The following ERAP2 variants were observed in gnomAD, a reference collection of about 807,000 sequenced individuals.
ERAP2 encodes endoplasmic reticulum aminopeptidase 2, also known as leukocyte-derived arginine aminopeptidase.
A neutral mutation model predicts 111.1 loss-of-function variants in ERAP2; 118 were observed. That is an observed-to-expected ratio of 1.06 (90% confidence interval 0.92 to 1.24). The LOEUF is 1.24. ERAP2 is among the 50% of genes most tolerant of loss of function. The pLI is 0.00. For missense variants in ERAP2, 1,131 were observed against 1,125.8 expected, an observed-to-expected ratio of 1.00 and a Z score of -0.07; for synonymous variants, 410 against 401.2, an observed-to-expected ratio of 1.02 and a Z score of -0.26.
intron 6 of ERAP2, among the ~76,000 whole-genome samples, chr5:96,892,996 A>G (rs1561374327): frequency 6.6e-6 from 1 of 152,170 alleles, no homozygotes; most frequent in Non-Finnish European, 1.5e-5. Context: ...TGTTTCATAA[A>G]GCTGTTCTGA....
rs758941042 is a variant in ERAP2 at position 96,889,298 on chromosome 5, C to T, written c.963C>T (p.Ser321=). The T allele has an allele frequency of 6.2e-7, 1 of 1,614,026 alleles. No homozygotes were observed. The highest frequency in any genetic ancestry group is 1.6e-4 in the Middle Eastern group (1 of 6,062). The change falls in exon 5 of 19, where the codon TCC becomes TCT. Residue 321 remains serine, a synonymous_variant. Coordinates refer to ENST00000437043, the MANE Select transcript of ERAP2 (RefSeq NM_022350.5). ...ACTTTGATATCTACTATCCACTCTC[C>T]AAACTGGGTATGTTCAAATTCCACA... ...EKYFDIYYPL[S]KLDLIAIPDF...
intron 4 of ERAP2, 73 bp downstream of exon 4, chr5:96,886,862 G>A: frequency 1.6e-6 from 2 of 1,250,338 alleles, no homozygotes; most frequent in Non-Finnish European, 1.0e-6. Context: ...GTTTTCTCAT[G>A]TTTTTCATTG....
At chr5:96,898,484 GTAATCCC>G (rs1785094484) in intron 9 of ERAP2, among the ~76,000 whole-genome samples, 1 of 149,044 alleles carries the variant, frequency 6.7e-6, no homozygotes, top group African/African-American at 2.5e-5. Flanking sequence ...GCTCATGCTT[GTAATCCC>G]ATCACTTTGG....
intron 9 of ERAP2, among the ~76,000 whole-genome samples, chr5:96,899,078 C>T (rs1785166465): frequency 6.6e-6 from 1 of 152,100 alleles, no homozygotes; most frequent in African/African-American, 2.4e-5. Context: ...AGTGTAAATT[C>T]CTGTGTTATT....
chr5:96,908,231 T>G (rs1786320567), intron 13 of ERAP2, among the ~76,000 whole-genome samples: 1 of 152,208 alleles, frequency 6.6e-6, no homozygotes, highest in African/African-American at 2.4e-5. Context: ...GAATGGCTTA[T>G]AGACTCTGTG....
intron 17 of ERAP2, among the ~76,000 whole-genome samples, chr5:96,913,973 C>T (rs78177934): frequency 3.9e-3 from 598 of 152,300 alleles, no homozygotes; most frequent in Non-Finnish European, 6.5e-3. Flanking sequence ...AGCCCTCCCT[C>T]CAAATTGTTT....
chr5:96,885,937 C>G (rs565371299), intron 3 of ERAP2, among the ~76,000 whole-genome samples: 11 of 152,214 alleles, frequency 7.2e-5, no homozygotes, highest in African/African-American at 2.7e-4. Flanking sequence ...TGGACAGAAG[C>G]TTAAATTACT....
At chr5:96,889,451 T>C (rs1784103209) in intron 5 of ERAP2, 146 bp downstream of exon 5, 2 of 879,224 alleles carry the variant, frequency 2.3e-6, no homozygotes, top group Admixed American at 1.8e-5. Flanking sequence ...TCAGAGATGA[T>C]TCTTGAGTGT....
intron 2 of ERAP2, among the ~76,000 whole-genome samples, chr5:96,883,036 T>A (rs1219163502): frequency 6.6e-6 from 1 of 152,152 alleles, no homozygotes; most frequent in Non-Finnish European, 1.5e-5. Context: ...ATATATCTAT[T>A]ATACCTGTCA....
Position 96,917,536 on chromosome 5 carries a change from A to G in ERAP2, c.2814A>G (p.Ile938Met). 6.2e-7 allele frequency: 1 copy of G among 1,614,074 alleles called. No homozygotes were observed. The highest frequency in any genetic ancestry group is 1.1e-5 in the South Asian group (1 of 91,076). The change falls in exon 19 of 19, where the codon ATA (isoleucine) becomes ATG (methionine). Residue 938 changes from isoleucine to methionine, a missense_variant. Physicochemically the swap from Ile to Met is conservative, Grantham distance 10. Transcript: ENST00000437043. ...LDIFQTVLETITKNIKWLEKN... is the reference protein window; with the variant it reads ...LDIFQTVLETMTKNIKWLEKN... ...TTTTTCAAACTGTTCTGGAAACGAT[A>G]ACCAAAAATATAAAATGGCTGGAGA...
At chr5:96,896,681 T>G in intron 8 of ERAP2, 51 bp from the exon 9 acceptor site, 1 of 1,517,462 alleles carries the variant, frequency 6.6e-7, no homozygotes, top group Non-Finnish European at 8.8e-7. Flanking sequence ...AAACATACCA[T>G]ACTACCATTT....
intron 18 of ERAP2, among the ~76,000 whole-genome samples, 162 bp from the exon 19 acceptor site, chr5:96,917,300 T>G (rs1561405481): frequency 6.6e-6 from 1 of 152,120 alleles, no homozygotes; most frequent in South Asian, 2.1e-4. Flanking sequence ...TGTTATTTTT[T>G]GTAGAGTCAG....
At chr5:96,888,840 A>G (rs1784033793) in intron 4 of ERAP2, among the ~76,000 whole-genome samples, 1 of 152,178 alleles carries the variant, frequency 6.6e-6, no homozygotes, top group African/African-American at 2.4e-5. Context: ...CATTTTGGAA[A>G]GCTAGTTGAC....
chr5:96,890,968 G>T (rs958075513), intron 5 of ERAP2, among the ~76,000 whole-genome samples: 11 of 152,156 alleles, frequency 7.2e-5, no homozygotes, highest in African/African-American at 2.4e-4. Context: ...AAAGAAGCAT[G>T]CAGCTTAGGA....
rs1785291715 is a variant in ERAP2, at chr5:96,900,130, G to GA, written c.1516dup (p.Ser506LysfsTer2). 1.9e-6 allele frequency: 3 copies of GA among 1,613,726 alleles called. No homozygotes were observed. On this transcript the variant is annotated frameshift_variant, in exon 10 of 19. Coordinates refer to ENST00000437043, the MANE Select transcript of ERAP2 (RefSeq NM_022350.5). LOFTEE classifies it high-confidence loss of function. ...TGTTCTTGTTTTGTAGAGTTGTTTA[G>GA]AAAGTGATTTTACATCTGGTGGAGT...
chr5:96,884,107 G>A (rs779110846), intron 3 of ERAP2, among the ~76,000 whole-genome samples, 177 bp downstream of exon 3: 11 of 150,894 alleles, frequency 7.3e-5, no homozygotes, highest in Non-Finnish European at 1.3e-4. Context: ...CATTCTAGAC[G>A]TTAACATCAT....
chr5:96,887,091 A>G, intron 4 of ERAP2, among the ~76,000 whole-genome samples: 1 of 97,742 alleles, frequency 1.0e-5, no homozygotes, highest in Non-Finnish European at 2.1e-5. Context: ...ATATATATAT[A>G]TATATATATA....
chr5:96,895,357 T>G lies in ERAP2; in HGVS notation c.1237T>G (p.Phe413Val). 6.3e-7 allele frequency: 1 copy of G among 1,594,112 alleles called. No homozygotes were observed. Among genetic ancestry groups the G allele is most frequent in the African/African-American group, 1.3e-5 (1 of 74,572 alleles). ...TAATGCTACATATCCAGAGCTGCAATTTGTAAGTTCACAATTCTGTGTATC... is the reference window on the plus strand; with the variant it reads ...TAATGCTACATATCCAGAGCTGCAAGTTGTAAGTTCACAATTCTGTGTATC... Reference protein sequence around the residue: ...AVNATYPELQFDDYFLNVCFE... With the variant: ...AVNATYPELQVDDYFLNVCFE... Residue 413 changes from phenylalanine (F) to valine (V), a missense_variant and splice_region_variant, in exon 7 of 19, where the codon TTT becomes GTT. Phe to Val is a conservative substitution (Grantham distance 50, BLOSUM62 -1). Coordinates refer to ENST00000437043, the MANE Select transcript of ERAP2 (RefSeq NM_022350.5).
At chr5:96,916,253 AC>A (rs1193063529) in intron 18 of ERAP2, among the ~76,000 whole-genome samples, 2 of 151,452 alleles carry the variant, frequency 1.3e-5, no homozygotes, top group East Asian at 1.9e-4. Context: ...AAAACAAAAA[AC>A]AACAGCAAAA....
Sources: gnomAD v4.1 joint callset for allele counts (sites outside exome capture counted in the v4.1 genomes callset) on GRCh38, gnomAD v4.1.1 for gene constraint, MANE v1.5 for transcripts, NCBI Gene and HGNC (gene_info 2026-07-23, HGNC 2026-07-21) for gene names.